Variants in GRID2 observed in about 807,000 individuals in gnomAD.
GRID2 encodes the protein glutamate receptor ionotropic, delta-2.
In GRID2, 33 loss-of-function variants were observed where a neutral mutation model predicts 114.8. That is an observed-to-expected ratio of 0.29 (90% CI 0.22 to 0.38). The LOEUF is 0.38. Among genes scored for constraint, GRID2 ranks in the 10% least tolerant of loss-of-function variants. The probability of loss-of-function intolerance (pLI) is 1.00; values close to 1 mark genes in which losing one functional copy is unlikely to be tolerated. For missense variants in GRID2, 1,184 were observed against 1,257.7 expected (o/e 0.94, Z 0.89); for synonymous variants, 505 against 449.9 (o/e 1.12, Z -1.55).
At chr4:93,686,102 T>C (rs1726052661) in intron 14 of GRID2, among the ~76,000 whole-genome samples, 1 of 152,004 alleles carries the variant, frequency 6.6e-6, no homozygotes, top group Non-Finnish European at 1.5e-5. Context: ...TATCTAAAAA[T>C]GAACTCTCTG....
chr4:92,770,272 A>G (rs6852841), intron 2 of GRID2, among the ~76,000 whole-genome samples: 8,026 of 152,224 alleles, frequency 0.053, 260 homozygotes, highest in African/African-American at 0.095. Context: ...ATCTGAGACT[A>G]CCTCAGCCTG....
intron 2 of GRID2, among the ~76,000 whole-genome samples, chr4:93,022,083 T>C (rs892633940): frequency 5.9e-5 from 9 of 151,598 alleles, no homozygotes; most frequent in African/African-American, 2.2e-4. Flanking sequence ...AAACTCTTAT[T>C]CTTGAATCTA....
Position 93,358,851 on chromosome 4 carries a change from T to C in GRID2, c.1246-36756T>C, listed in dbSNP as rs186922472. Among the ~76,000 whole-genome samples, 456 of 152,254 alleles carry C rather than the reference T, an allele frequency of 3.0e-3. 3 individuals carry two copies. The highest frequency in any genetic ancestry group is 6.8e-3 in the Middle Eastern group (2 of 294). On this transcript the variant is annotated intron_variant, in intron 8 of 15. Transcript: ENST00000282020. ...TATTTTACATAAGGGAGGTTAATTTTCTGTTTTCTGCTATTTTTGTCAGGT... is the reference window on the plus strand; with the variant it reads ...TATTTTACATAAGGGAGGTTAATTTCCTGTTTTCTGCTATTTTTGTCAGGT...
At chr4:93,239,368 T>C in intron 8 of GRID2, among the ~76,000 whole-genome samples, 1 of 137,682 alleles carries the variant, frequency 7.3e-6, no homozygotes, top group East Asian at 2.1e-4. Context: ...TATCTATCTA[T>C]CTATATTTGG....
intron 2 of GRID2, among the ~76,000 whole-genome samples, chr4:92,769,312 C>T (rs999848263): frequency 2.0e-5 from 3 of 152,158 alleles, no homozygotes; most frequent in Non-Finnish European, 4.4e-5. Context: ...GTAGCTTTGC[C>T]CCTGTAGCTT....
At chr4:92,507,802 C>G (rs537764619) in intron 1 of GRID2, among the ~76,000 whole-genome samples, 2 of 151,994 alleles carry the variant, frequency 1.3e-5, no homozygotes, top group East Asian at 3.9e-4. Context: ...TTTCCAACTT[C>G]ATCTCAAGTC....
intron 2 of GRID2, among the ~76,000 whole-genome samples, chr4:92,963,620 A>G (rs1404431237): frequency 6.6e-6 from 1 of 152,000 alleles, no homozygotes; most frequent in Non-Finnish European, 1.5e-5. Context: ...CCACTGAAGT[A>G]TTGAACTCCT....
intron 1 of GRID2, among the ~76,000 whole-genome samples, chr4:92,386,397 A>G (rs1729961365): frequency 6.6e-6 from 1 of 151,778 alleles, no homozygotes; most frequent in South Asian, 2.1e-4. Flanking sequence ...TTAATTTTAA[A>G]GTCCTAATGT....
intron 2 of GRID2, among the ~76,000 whole-genome samples, chr4:92,771,505 G>T (rs1437267803): frequency 1.3e-5 from 2 of 152,124 alleles, no homozygotes; most frequent in South Asian, 2.1e-4. Context: ...TCCCTCTTTT[G>T]GTTGGAGTGT....
intron 14 of GRID2, among the ~76,000 whole-genome samples, chr4:93,716,611 A>C (rs1560937936): frequency 6.6e-6 from 1 of 151,920 alleles, no homozygotes. Flanking sequence ...TATATATGTA[A>C]GTATAAATAT....
intron 8 of GRID2, among the ~76,000 whole-genome samples, chr4:93,294,331 C>G (rs1560467319): frequency 6.6e-6 from 1 of 152,080 alleles, no homozygotes; most frequent in Non-Finnish European, 1.5e-5. Context: ...GGCTTTTACT[C>G]TAAATCAAGA....
chr4:93,801,087 A>AATTATTTTTTCAGTAAGCTTGGTAAT (rs1212619796), intron 1 of GRID2, among the ~76,000 whole-genome samples: 3 of 152,140 alleles, frequency 2.0e-5, no homozygotes, highest in Non-Finnish European at 4.4e-5. Flanking sequence ...GCTAGTAACA[A>AATTATTTTTTCAGTAAGCTTGGTAAT]ATTATTTTTT....
At chr4:93,394,275 A>G (rs746762348) in intron 8 of GRID2, among the ~76,000 whole-genome samples, 3 of 151,984 alleles carry the variant, frequency 2.0e-5, no homozygotes, top group Non-Finnish European at 4.4e-5. Flanking sequence ...GTAACTAAGA[A>G]TGACATATCA....
At chr4:92,918,695 T>G (rs1024529823) in intron 2 of GRID2, among the ~76,000 whole-genome samples, 2 of 152,216 alleles carry the variant, frequency 1.3e-5, no homozygotes, top group Admixed American at 1.3e-4. Flanking sequence ...ATCCCAGGGA[T>G]GAAGCCCACT....
chr4:93,021,940 A>C (rs577543183), intron 2 of GRID2, among the ~76,000 whole-genome samples: 3 of 151,018 alleles, frequency 2.0e-5, no homozygotes, highest in Admixed American at 6.6e-5. Flanking sequence ...AATTTTATTT[A>C]CATAAACTTC....
chr4:93,615,444 T>C (rs1265209452), intron 13 of GRID2, among the ~76,000 whole-genome samples: 1 of 152,126 alleles, frequency 6.6e-6, no homozygotes, highest in Non-Finnish European at 1.5e-5. Context: ...AGTAAAGAAA[T>C]AGAGAAAGTC....
chr4:93,100,231 A>G (rs926537151), intron 3 of GRID2, among the ~76,000 whole-genome samples: 3 of 151,938 alleles, frequency 2.0e-5, no homozygotes, highest in Admixed American at 6.6e-5. Context: ...TTATACTGAA[A>G]TATTATGATC....
intron 1 of GRID2, among the ~76,000 whole-genome samples, chr4:92,446,300 T>A (rs908601879): frequency 1.3e-5 from 2 of 152,162 alleles, no homozygotes; most frequent in African/African-American, 4.8e-5. Flanking sequence ...GGTACCCAAA[T>A]TGAGACCCTA....
intron 13 of GRID2, among the ~76,000 whole-genome samples, chr4:93,619,497 A>G (rs1190838962): frequency 6.6e-6 from 1 of 152,218 alleles, no homozygotes; most frequent in Non-Finnish European, 1.5e-5. Context: ...AATTGGAAAG[A>G]AGTTTGCAGC....
Sources: allele counts gnomAD v4.1 joint callset (sites outside exome capture counted in the v4.1 genomes callset), GRCh38; gene constraint gnomAD v4.1.1; transcripts MANE v1.5; gene names NCBI Gene and HGNC (gene_info 2026-07-23, HGNC 2026-07-21).